The following MINDY4 variants were observed in gnomAD, a reference collection of about 807,000 sequenced individuals.
MINDY4 encodes MINDY lysine 48 deubiquitinase 4.
Under a neutral mutation model 87.0 loss-of-function variants are expected in MINDY4, and 68 were observed. The observed-to-expected ratio is 0.78, with a 90% CI of 0.64 to 0.96. The LOEUF (loss-of-function observed/expected upper bound fraction) is 0.96, where lower values mean the gene tolerates loss of function less well. Ranked by LOEUF, MINDY4 falls within the 40% of genes least tolerant of loss-of-function variation. The pLI is 0.00. For synonymous variants in MINDY4, 379 were observed against 363.2 expected, an observed-to-expected ratio of 1.04 and a Z score of -0.50; for missense variants, 919 against 928.2, an observed-to-expected ratio of 0.99 and a Z score of 0.13.
At chr7:30,781,939 A>G (rs984679881) in intron 2 of MINDY4, 38 bp from the exon 3 acceptor site, 16 of 1,422,380 alleles carry the variant, frequency 1.1e-5, no homozygotes, top group Non-Finnish European at 1.5e-5. Flanking sequence ...CTGAAGCTGT[A>G]TATAAATTAA....
chr7:30,852,306 C>A, intron 11 of MINDY4, 27 bp downstream of exon 11: 4 of 1,613,920 alleles, frequency 2.5e-6, no homozygotes, highest in Non-Finnish European at 3.4e-6. Flanking sequence ...AATTATCACG[C>A]AAACTTTGGC....
intron 17 of MINDY4, among the ~76,000 whole-genome samples, chr7:30,886,060 C>T (rs1465841552): frequency 6.6e-6 from 1 of 152,134 alleles, no homozygotes; most frequent in Admixed American, 6.5e-5. Flanking sequence ...TAGGAAGGCC[C>T]CACCGTGTCA....
chr7:30,804,581 C>G (rs1463629886), intron 5 of MINDY4, among the ~76,000 whole-genome samples: 1 of 152,186 alleles, frequency 6.6e-6, no homozygotes, highest in East Asian at 1.9e-4. Context: ...CAGAGTTCCA[C>G]AGAGATAGAG....
chr7:30,800,955 A>C (rs1018019011), intron 5 of MINDY4, among the ~76,000 whole-genome samples: 1 of 152,200 alleles, frequency 6.6e-6, no homozygotes, highest in African/African-American at 2.4e-5. Flanking sequence ...CTTGTTGCAT[A>C]ATTTAATTCA....
At chr7:30,798,350 A>G (rs182943820) in intron 5 of MINDY4, among the ~76,000 whole-genome samples, 151 of 152,326 alleles carry the variant, frequency 9.9e-4, no homozygotes, top group African/African-American at 3.5e-3. Flanking sequence ...GCTGTGTTAG[A>G]GAAAGAAAGG....
chr7:30,807,892 G>A (rs199751467), intron 5 of MINDY4, among the ~76,000 whole-genome samples: 1 of 152,200 alleles, frequency 6.6e-6, no homozygotes, highest in Non-Finnish European at 1.5e-5. Flanking sequence ...CGGGGAGCTC[G>A]GTTGTTGGAG....
At chr7:30,862,757 T>C (rs2128575212) in intron 13 of MINDY4, among the ~76,000 whole-genome samples, 1 of 152,334 alleles carries the variant, frequency 6.6e-6, no homozygotes, top group Non-Finnish European at 1.5e-5. Flanking sequence ...CCAGGATACC[T>C]AGGTCCTCAG....
At chr7:30,823,012 T>G (rs1788389206) in intron 5 of MINDY4, among the ~76,000 whole-genome samples, 1 of 152,196 alleles carries the variant, frequency 6.6e-6, no homozygotes, top group Non-Finnish European at 1.5e-5. Flanking sequence ...AACACCCATA[T>G]TCTAGATTTG....
At chr7:30,859,414 C>A in intron 13 of MINDY4, 90 bp downstream of exon 13, 1 of 1,196,068 alleles carries the variant, frequency 8.4e-7, no homozygotes, top group Non-Finnish European at 1.2e-6. Flanking sequence ...GTGCTTGGCA[C>A]ATGTTGAGGG....
At chr7:30,863,635 G>A (rs1789836939) in intron 13 of MINDY4, among the ~76,000 whole-genome samples, 1 of 152,150 alleles carries the variant, frequency 6.6e-6, no homozygotes, top group Non-Finnish European at 1.5e-5. Flanking sequence ...ACCAGAGCCA[G>A]GGTGAGGACA....
chr7:30,798,417 C>G (rs1787554131), intron 5 of MINDY4, among the ~76,000 whole-genome samples: 1 of 152,082 alleles, frequency 6.6e-6, no homozygotes, highest in Non-Finnish European at 1.5e-5. Flanking sequence ...GGTTGCCGTT[C>G]CCTGAAATGA....
In MINDY4 at chr7:30,875,578, C is replaced by T. The variant is rs1281017319; in HGVS notation, c.1893C>T (p.Asn631=). 2 of 1,614,090 alleles carry T rather than the reference C, an allele frequency of 1.2e-6. No homozygotes were observed. The highest frequency in any genetic ancestry group is 1.7e-5 in the Admixed American group (1 of 60,008). The change falls in exon 15 of 18, where the codon AAC becomes AAT. Residue 631 remains asparagine, a synonymous_variant. Coordinates refer to ENST00000265299, the MANE Select transcript of MINDY4 (RefSeq NM_032222.3). The part of the protein sequence containing the change: ...DVVELDSGDG[N]ITLLRGIAAR... Reference sequence around the variant, plus strand: ...TTGAGCTGGATTCTGGGGATGGGAACATCACACTTCTCAGAGGCATTGCTG... The same window carrying T: ...TTGAGCTGGATTCTGGGGATGGGAATATCACACTTCTCAGAGGCATTGCTG...
At chr7:30,870,801 C>T (rs1188363829) in intron 13 of MINDY4, among the ~76,000 whole-genome samples, 2 of 152,352 alleles carry the variant, frequency 1.3e-5, no homozygotes, top group East Asian at 3.9e-4. Flanking sequence ...TTGCTAAGCC[C>T]TTCCTACCCC....
intron 5 of MINDY4, among the ~76,000 whole-genome samples, chr7:30,815,480 C>T (rs1035452967): frequency 3.3e-5 from 5 of 152,216 alleles, no homozygotes; most frequent in African/African-American, 1.2e-4. Context: ...TCTCATCCAG[C>T]ATCTCATGAT....
chr7:30,872,249 C>T lies in MINDY4; in HGVS notation c.1752C>T (p.Arg584=), dbSNP rs774483934. The T allele has an allele frequency of 4.3e-6, 7 of 1,614,126 alleles. No individual in the cohort carries two copies. The highest frequency in any genetic ancestry group is 5.1e-6 in the Non-Finnish European group (6 of 1,179,996). ...TGCTTCTTGTGTTTTCCAGCATCCG[C>T]CAGGACTTTGATGTCCCCACCAGCC... is the stretch of plus-strand genomic sequence containing the variant. The part of the protein sequence containing the change: ...AILSRSTELI[R]QDFDVPTSHL... Residue 584 remains arginine, a synonymous_variant, in exon 14 of 18, where the codon CGC becomes CGT. Transcript: ENST00000265299.
intron 5 of MINDY4, among the ~76,000 whole-genome samples, chr7:30,823,775 G>A (rs1216984173): frequency 6.6e-6 from 1 of 151,980 alleles, no homozygotes; most frequent in Non-Finnish European, 1.5e-5. Context: ...CATTTCTCAT[G>A]TGTTTAAGAG....
chr7:30,820,573 A>T (rs1223854656), intron 5 of MINDY4, among the ~76,000 whole-genome samples: 1 of 152,240 alleles, frequency 6.6e-6, no homozygotes, highest in East Asian at 1.9e-4. Flanking sequence ...GATATTTCAC[A>T]TAAGCGGAAT....
At chr7:30,858,850 C>G (rs1223653691) in intron 12 of MINDY4, 1 of 387,746 alleles carries the variant, frequency 2.6e-6, no homozygotes, top group Non-Finnish European at 5.1e-6. Context: ...GAACTGGTCA[C>G]TCAGTTTCTG....
At chr7:30,847,475 C>A (rs1313668092) in intron 9 of MINDY4, among the ~76,000 whole-genome samples, 1 of 152,150 alleles carries the variant, frequency 6.6e-6, no homozygotes, top group Non-Finnish European at 1.5e-5. Context: ...ACCAGGTGCC[C>A]ACGGCAGTTG....
Sources: gnomAD v4.1 joint callset for allele counts (sites outside exome capture counted in the v4.1 genomes callset) on GRCh38, gnomAD v4.1.1 for gene constraint, MANE v1.5 for transcripts, NCBI Gene and HGNC (gene_info 2026-07-23, HGNC 2026-07-21) for gene names.